BNC2: variants seen among roughly 807,000 people sequenced by gnomAD.
BNC2 encodes the protein zinc finger protein basonuclin-2.
In BNC2, 20 loss-of-function variants were observed where a neutral mutation model predicts 76.3. The observed-to-expected ratio is 0.26, with a 90% confidence interval of 0.18 to 0.38. The LOEUF (loss-of-function observed/expected upper bound fraction) is 0.38, where lower values mean the gene tolerates loss of function less well. BNC2 is among the 10% of genes least tolerant of loss of function. BNC2 has a pLI of 1.00. For synonymous variants in BNC2, 582 were observed against 514.8 expected, an observed-to-expected ratio of 1.13 and a Z score of -1.77; for missense variants, 1,382 against 1,399.8, an observed-to-expected ratio of 0.99 and a Z score of 0.20.
chr9:16,546,981 G>A (rs1184758353), intron 5 of BNC2, among the ~76,000 whole-genome samples: 2 of 152,194 alleles, frequency 1.3e-5, no homozygotes, highest in African/African-American at 4.8e-5. Context: ...GCGAGTTACA[G>A]TGATGAATAA....
At chr9:16,503,880 C>G (rs1822572059) in intron 5 of BNC2, among the ~76,000 whole-genome samples, 1 of 151,982 alleles carries the variant, frequency 6.6e-6, no homozygotes, top group Non-Finnish European at 1.5e-5. Flanking sequence ...GCCAATAAAC[C>G]CATTAAACAT....
At chr9:16,822,705 G>A (rs1400774442) in intron 1 of BNC2, among the ~76,000 whole-genome samples, 1 of 152,148 alleles carries the variant, frequency 6.6e-6, no homozygotes, top group Non-Finnish European at 1.5e-5. Flanking sequence ...TTTTTTAAAA[G>A]CTGTGTGACA....
At chr9:16,584,803 T>C (rs1473764020) in intron 3 of BNC2, among the ~76,000 whole-genome samples, 2 of 152,106 alleles carry the variant, frequency 1.3e-5, no homozygotes, top group South Asian at 2.1e-4. Flanking sequence ...AACTCAAAAC[T>C]TGATTGTACT....
intron 1 of BNC2, among the ~76,000 whole-genome samples, chr9:16,795,040 C>G (rs182356732): frequency 6.6e-6 from 1 of 152,230 alleles, no homozygotes; most frequent in Non-Finnish European, 1.5e-5. Context: ...ACAGGGTTCA[C>G]TCACTATCCA....
At chr9:16,685,467 T>G (rs1822947250) in intron 3 of BNC2, 3 of 857,666 alleles carry the variant, frequency 3.5e-6, no homozygotes. Flanking sequence ...CTGATGACGC[T>G]GATATACCCA....
In BNC2 at chr9:16,641,939, C is replaced by A. The variant is rs577768924; in HGVS notation, c.331-58854G>T. Among the ~76,000 whole-genome samples, 11 of 152,274 alleles carry A rather than the reference C, an allele frequency of 7.2e-5. 1 individual carries two copies. The South Asian group carries it at 8.3e-4, about 11-fold the overall frequency. On this transcript the variant is annotated intron_variant, in intron 3 of 6. Coordinates refer to ENST00000380672, the MANE Select transcript of BNC2 (RefSeq NM_017637.6). ...TGGCCATTTTTCTGTTTGCTGTTAA[C>A]ATTTAATTAAAAGTCACAGGCAAAT...
intron 1 of BNC2, among the ~76,000 whole-genome samples, chr9:16,802,616 C>T (rs139517316): frequency 1.4e-4 from 21 of 152,324 alleles, no homozygotes; most frequent in Admixed American, 1.3e-3. Context: ...ACTTGCTTCA[C>T]ATTACTCATC....
chr9:16,463,906 GC>G (rs1179992277), intron 5 of BNC2, among the ~76,000 whole-genome samples: 2 of 151,932 alleles, frequency 1.3e-5, no homozygotes, highest in East Asian at 3.9e-4. Context: ...GACCACCTGG[GC>G]CAACATGGCG....
chr9:16,738,192 G>A (rs574855304), intron 2 of BNC2, among the ~76,000 whole-genome samples, 168 bp downstream of exon 2: 2 of 152,238 alleles, frequency 1.3e-5, no homozygotes, highest in African/African-American at 4.8e-5. Flanking sequence ...TCAGAGGCAA[G>A]AAGTGTTAGG....
rs1820577901 is a variant in BNC2 at position 16,416,020 on chromosome 9, T to C, written c.*2969A>G. 6.6e-6 allele frequency: 1 copy of C among 152,200 alleles called. No homozygotes were observed. The highest frequency in any genetic ancestry group is 2.1e-4 in the South Asian group (1 of 4,838). 9.4% of individuals were successfully genotyped at this position (152,200 alleles called of 1,614,324 possible). ...TCATTACTTCTGGACTTTTTCTAAC[T>C]GGCTATACACATTAGCTTGGTTTGC... On this transcript the variant is annotated 3_prime_UTR_variant, in exon 7 of 7. Coordinates refer to ENST00000380672, the MANE Select transcript of BNC2 (RefSeq NM_017637.6).
intron 1 of BNC2, among the ~76,000 whole-genome samples, chr9:16,858,614 G>A (rs1312108897): frequency 6.6e-6 from 1 of 152,138 alleles, no homozygotes; most frequent in African/African-American, 2.4e-5. Context: ...GGAGGCCGAG[G>A]CGGGTGGATC....
At chr9:16,728,056 T>A in intron 2 of BNC2, 59 bp from the exon 3 acceptor site, 1 of 1,347,044 alleles carries the variant, frequency 7.4e-7, no homozygotes, top group Non-Finnish European at 1.0e-6. Flanking sequence ...GAGTGTAGTG[T>A]AGTTAAGAAG....
intron 5 of BNC2, among the ~76,000 whole-genome samples, chr9:16,461,491 C>CT (rs1418943173): frequency 2.0e-5 from 3 of 151,590 alleles, no homozygotes; most frequent in Admixed American, 2.0e-4. Flanking sequence ...TATTAATCCT[C>CT]TAAGAGCCTC....
At chr9:16,728,667 A>G (rs768471329) in intron 2 of BNC2, among the ~76,000 whole-genome samples, 9 of 151,920 alleles carry the variant, frequency 5.9e-5, no homozygotes, top group African/African-American at 9.7e-5. Context: ...TTATAACCAC[A>G]TAGAAACTCC....
intron 3 of BNC2, among the ~76,000 whole-genome samples, chr9:16,636,194 T>C (rs1270591023): frequency 6.6e-6 from 1 of 152,032 alleles, no homozygotes; most frequent in African/African-American, 2.4e-5. Flanking sequence ...GGTCATATAA[T>C]CATAATGCTG....
chr9:16,498,159 A>G (rs1033500855), intron 5 of BNC2, among the ~76,000 whole-genome samples: 1 of 141,984 alleles, frequency 7.0e-6, no homozygotes, highest in African/African-American at 2.7e-5. Flanking sequence ...ATATTCCATC[A>G]TATATATATT....
At chr9:16,789,836 C>T (rs907142870) in intron 1 of BNC2, among the ~76,000 whole-genome samples, 3 of 152,172 alleles carry the variant, frequency 2.0e-5, no homozygotes, top group African/African-American at 7.2e-5. Context: ...ACTCAATAAG[C>T]CTTTATTGGA....
At chr9:16,454,137 T>A (rs1011292493) in intron 5 of BNC2, among the ~76,000 whole-genome samples, 35 of 152,170 alleles carry the variant, frequency 2.3e-4, no homozygotes, top group African/African-American at 6.5e-4. Flanking sequence ...TCTGCTTTTT[T>A]TTGTGTTTTT....
At chr9:16,497,216 T>C (rs1276976705) in intron 5 of BNC2, among the ~76,000 whole-genome samples, 1 of 152,196 alleles carries the variant, frequency 6.6e-6, no homozygotes, top group Non-Finnish European at 1.5e-5. Flanking sequence ...GGAAGTTCCC[T>C]AAATACCCAG....
Sources: gnomAD v4.1 joint callset for allele counts (sites outside exome capture counted in the v4.1 genomes callset) on GRCh38, gnomAD v4.1.1 for gene constraint, MANE v1.5 for transcripts, NCBI Gene and HGNC (gene_info 2026-07-23, HGNC 2026-07-21) for gene names.